The following TEX101 variants were observed in gnomAD, a reference collection of about 807,000 sequenced individuals.
TEX101 encodes the protein testis-expressed protein 101.
TEX101 carries 10 observed loss-of-function variants against 18.1 expected under a neutral mutation model. The observed-to-expected ratio is 0.55, with a 90% CI of 0.34 to 0.94. The LOEUF is 0.94. Ranked by LOEUF, TEX101 falls within the 40% of genes least tolerant of loss-of-function variation. The pLI is 0.02. For synonymous variants in TEX101, 94 were observed against 114.8 expected (o/e 0.82, Z 1.16); for missense variants, 259 against 298.9 (o/e 0.87, Z 0.98).
chr19:43,392,213 AG>A, the TEX101 span, among the ~76,000 whole-genome samples: 3 of 151,968 alleles, frequency 2.0e-5, no homozygotes, highest in African/African-American at 7.3e-5. Flanking sequence ...CACAGAGAGA[AG>A]GAGGGAGAGG....
At chr19:43,392,512 AC>A in the TEX101 span, among the ~76,000 whole-genome samples, 5 of 151,982 alleles carry the variant, frequency 3.3e-5, no homozygotes, top group Non-Finnish European at 2.9e-5. Flanking sequence ...TTGTCCTGAG[AC>A]CCCCACAGGG....
chr19:43,408,599 A>C (rs1326766140), intron 3 of TEX101, among the ~76,000 whole-genome samples: 2 of 151,960 alleles, frequency 1.3e-5, no homozygotes, highest in Non-Finnish European at 2.9e-5. Flanking sequence ...CAGGGCCACA[A>C]CCACCCGTGA....
upstream of TEX101, among the ~76,000 whole-genome samples, chr19:43,396,617 G>C (rs1190977438): frequency 6.6e-6 from 1 of 152,128 alleles, no homozygotes; most frequent in Non-Finnish European, 1.5e-5. Context: ...TCCTGAAGGA[G>C]GAACAGAGGT....
chr19:43,397,300 G>A (rs1410873666), upstream of TEX101, among the ~76,000 whole-genome samples: 1 of 152,106 alleles, frequency 6.6e-6, no homozygotes, highest in East Asian at 1.9e-4. Context: ...GTGCTGGCTA[G>A]TTCCTACCTC....
chr19:43,418,347 T>C lies in TEX101; in HGVS notation c.700T>C (p.Leu234=). Residue 234 remains leucine, a synonymous_variant, in exon 6 of 6, where the codon TTA becomes CTA. Transcript: ENST00000598265. ...CTGTCTTCCCATTCCTGTTTGGGGGTTACAGCTACTGCTGCCATTGCTGCT... is the reference window on the plus strand; with the variant it reads ...CTGTCTTCCCATTCCTGTTTGGGGGCTACAGCTACTGCTGCCATTGCTGCT... ...ATCLPIPVWG[L]QLLLPLLLPS... is the part of the protein sequence containing the mutation. 6.2e-7 allele frequency: 1 copy of C among 1,614,098 alleles called. No homozygotes were observed. The highest frequency in any genetic ancestry group is 8.5e-7 in the Non-Finnish European group (1 of 1,180,016).
the TEX101 span, among the ~76,000 whole-genome samples, chr19:43,391,726 G>T: frequency 6.6e-6 from 1 of 152,124 alleles, no homozygotes; most frequent in Non-Finnish European, 1.5e-5. Flanking sequence ...TCATGACCCA[G>T]TTCTCTATGG....
the TEX101 span, among the ~76,000 whole-genome samples, chr19:43,389,749 T>G: frequency 2.0e-5 from 3 of 152,248 alleles, no homozygotes; most frequent in Admixed American, 6.5e-5. Flanking sequence ...GCAGATGTTC[T>G]CATGCTTCCA....
chr19:43,400,410 T>C (rs147939554), upstream of TEX101, among the ~76,000 whole-genome samples: 4 of 152,358 alleles, frequency 2.6e-5, no homozygotes, highest in African/African-American at 9.6e-5. Flanking sequence ...AAATGAAAGA[T>C]TCTTGGGTTT....
At chr19:43,392,434 G>A in the TEX101 span, among the ~76,000 whole-genome samples, 3,334 of 152,220 alleles carry the variant, frequency 0.022, 135 homozygotes, top group African/African-American at 0.076. Context: ...GGTCACTTGC[G>A]CAACCCCGGA....
At chr19:43,390,714 G>A in the TEX101 span, among the ~76,000 whole-genome samples, 2 of 151,738 alleles carry the variant, frequency 1.3e-5, no homozygotes, top group South Asian at 4.2e-4. Flanking sequence ...TGATCTGCCT[G>A]CCTCGACCTC....
intron 3 of TEX101, among the ~76,000 whole-genome samples, chr19:43,409,105 T>C (rs1970396711): frequency 6.6e-6 from 1 of 152,232 alleles, no homozygotes; most frequent in African/African-American, 2.4e-5. Context: ...ATTAATCAGG[T>C]AGCCCCCAGA....
At chr19:43,397,638 C>T (rs981228789), upstream of TEX101, among the ~76,000 whole-genome samples, 1 of 150,284 alleles carries the variant, frequency 6.7e-6, no homozygotes, top group African/African-American at 2.5e-5. Flanking sequence ...TCCTTGAGTA[C>T]TTTAGCATGC....
chr19:43,393,509 A>C, the TEX101 span, among the ~76,000 whole-genome samples: 48,044 of 151,576 alleles, frequency 0.32, 7,833 homozygotes, highest in Non-Finnish European at 0.35. Context: ...TGCTTAATGC[A>C]CCCTCATGTT....
upstream of TEX101, among the ~76,000 whole-genome samples, chr19:43,412,177 G>A (rs947522219): frequency 1.3e-5 from 2 of 152,226 alleles, no homozygotes; most frequent in African/African-American, 4.8e-5. Context: ...TTCTGCAGCT[G>A]TACAGGAAGC....
At chr19:43,393,752 C>T in the TEX101 span, among the ~76,000 whole-genome samples, 7 of 151,606 alleles carry the variant, frequency 4.6e-5, no homozygotes, top group African/African-American at 1.2e-4. Flanking sequence ...AGTGATATCA[C>T]GATCATCTCC....
At chr19:43,401,222 A>C (rs1396510159), upstream of TEX101, among the ~76,000 whole-genome samples, 1 of 152,256 alleles carries the variant, frequency 6.6e-6, no homozygotes, top group Non-Finnish European at 1.5e-5. Flanking sequence ...TAACTGTTAA[A>C]AGTTTTCACA....
chr19:43,391,924 A>T, the TEX101 span, among the ~76,000 whole-genome samples: 1 of 152,322 alleles, frequency 6.6e-6, no homozygotes, highest in African/African-American at 2.4e-5. Context: ...TTCTAGCTGC[A>T]GCACCCCCAG....
chr19:43,404,872 C>T (rs1367571418), intron 2 of TEX101, among the ~76,000 whole-genome samples: 1 of 151,560 alleles, frequency 6.6e-6, no homozygotes, highest in Non-Finnish European at 1.5e-5. Context: ...AAGGTATTTT[C>T]AGCAAAATAA....
At chr19:43,408,525 T>TG (rs1568456764) in intron 3 of TEX101, among the ~76,000 whole-genome samples, 1 of 151,882 alleles carries the variant, frequency 6.6e-6, no homozygotes, top group Non-Finnish European at 1.5e-5. Context: ...AATGGCGAGT[T>TG]GGGGGTGGAC....
Sources: gnomAD v4.1 joint callset for allele counts (sites outside exome capture counted in the v4.1 genomes callset) on GRCh38, gnomAD v4.1.1 for gene constraint, MANE v1.5 for transcripts, NCBI Gene and HGNC (gene_info 2026-07-23, HGNC 2026-07-21) for gene names.